Variants in CSMD1 observed in about 807,000 individuals in gnomAD.
The protein encoded by CSMD1 is CUB and Sushi multiple domains 1, also known as CUB and sushi domain-containing protein 1.
Under a neutral mutation model 417.5 loss-of-function variants are expected in CSMD1, and 213 were observed. The ratio of observed to expected loss-of-function variants is 0.51; its 90% CI spans 0.46 to 0.57. The LOEUF is 0.57. Among genes scored for constraint, CSMD1 ranks in the 20% least tolerant of loss-of-function variants. The pLI, the probability that CSMD1 is intolerant of heterozygous loss-of-function variation, is 0.00. For missense variants in CSMD1, 6,923 were observed against 4,529.7 expected (o/e 1.53, Z -15.17); for synonymous variants, 2,862 against 1,736.8 (o/e 1.65, Z -16.11).
chr8:4,386,012 C>T (rs890343309), intron 3 of CSMD1, among the ~76,000 whole-genome samples: 1 of 152,020 alleles, frequency 6.6e-6, no homozygotes, highest in Non-Finnish European at 1.5e-5. Flanking sequence ...TTAACTTTCC[C>T]TTTTTTTATC....
At chr8:3,784,293 T>C (rs1799330585) in intron 5 of CSMD1, among the ~76,000 whole-genome samples, 1 of 152,156 alleles carries the variant, frequency 6.6e-6, no homozygotes, top group Admixed American at 6.5e-5. Context: ...CTCAGATAAA[T>C]AATATTAAAT....
chr8:3,557,977 G>C (rs1239926754), intron 10 of CSMD1, among the ~76,000 whole-genome samples: 3 of 152,136 alleles, frequency 2.0e-5, no homozygotes, highest in African/African-American at 7.2e-5. Context: ...CTCCAATGAT[G>C]AATGGTGCCT....
chr8:3,798,566 G>A (rs1800289338), intron 5 of CSMD1, among the ~76,000 whole-genome samples: 1 of 152,012 alleles, frequency 6.6e-6, no homozygotes, highest in African/African-American at 2.4e-5. Flanking sequence ...GTTTTGAGAG[G>A]TGATTGCAAT....
intron 7 of CSMD1, among the ~76,000 whole-genome samples, chr8:3,624,144 A>T (rs558601388): frequency 5.8e-4 from 89 of 152,202 alleles, no homozygotes; most frequent in Admixed American, 1.2e-3. Context: ...AATTAATAAT[A>T]AAAATACACT....
At chr8:4,386,590 G>A (rs1803471123) in intron 3 of CSMD1, among the ~76,000 whole-genome samples, 1 of 152,190 alleles carries the variant, frequency 6.6e-6, no homozygotes, top group Admixed American at 6.5e-5. Context: ...GCCTGTTACG[G>A]CAGGGCATGC....
chr8:3,243,387 C>T (rs926639721), intron 26 of CSMD1, among the ~76,000 whole-genome samples: 5 of 151,594 alleles, frequency 3.3e-5, no homozygotes, highest in African/African-American at 1.2e-4. Flanking sequence ...GTTTATTTCA[C>T]CTGGGTGCAG....
rs185387368 is a variant in CSMD1 at position 3,429,116 on chromosome 8, T to C, written c.1562-19511A>G. Reference sequence around the variant, plus strand: ...AGAAGTAAGAAGTTCTTGTGTGCTATTGTACAGAAGGGTGATTACACTTAA... The same window carrying C: ...AGAAGTAAGAAGTTCTTGTGTGCTACTGTACAGAAGGGTGATTACACTTAA... On this transcript the variant is annotated intron_variant, in intron 12 of 69. Coordinates refer to ENST00000635120, the MANE Select transcript of CSMD1 (RefSeq NM_033225.6). 5.1e-4 allele frequency among the ~76,000 whole-genome samples: 78 copies of C among 152,256 alleles called. 1 individual carries two copies. In the East Asian group the frequency reaches 8.1e-3, roughly 16 times the overall value.
intron 26 of CSMD1, among the ~76,000 whole-genome samples, chr8:3,277,106 C>G (rs1010400216): frequency 9.9e-5 from 15 of 152,164 alleles, no homozygotes; most frequent in African/African-American, 3.4e-4. Context: ...CACATCCAAG[C>G]TGAGAGAGGC....
At chr8:3,735,500 G>A (rs17067230) in intron 6 of CSMD1, among the ~76,000 whole-genome samples, 1,610 of 152,292 alleles carry the variant, frequency 0.011, 33 homozygotes, top group African/African-American at 0.037. Flanking sequence ...GTTTCCCTGT[G>A]TATTAGCTAC....
intron 51 of CSMD1, among the ~76,000 whole-genome samples, chr8:3,025,303 G>A (rs949841660): frequency 6.6e-6 from 1 of 151,386 alleles, no homozygotes; most frequent in Non-Finnish European, 1.5e-5. Flanking sequence ...ACTGTGTATT[G>A]TCTGGTGTTA....
intron 33 of CSMD1, among the ~76,000 whole-genome samples, chr8:3,193,631 C>T (rs1173887443): frequency 6.6e-6 from 1 of 151,968 alleles, no homozygotes; most frequent in Non-Finnish European, 1.5e-5. Context: ...TGCTGTGAAG[C>T]CAAATTGAAA....
intron 1 of CSMD1, among the ~76,000 whole-genome samples, chr8:4,646,104 C>T (rs760341195): frequency 1.3e-5 from 2 of 152,208 alleles, no homozygotes; most frequent in African/African-American, 2.4e-5. Flanking sequence ...TCAGAGACTT[C>T]GAGCTTATAT....
At chr8:3,378,641 C>G (rs1019886982) in intron 18 of CSMD1, among the ~76,000 whole-genome samples, 1 of 152,134 alleles carries the variant, frequency 6.6e-6, no homozygotes, top group Non-Finnish European at 1.5e-5. Flanking sequence ...GAACCAATGA[C>G]AAAAACCACA....
chr8:3,502,735 G>A (rs1796658915), intron 10 of CSMD1, among the ~76,000 whole-genome samples: 2 of 152,338 alleles, frequency 1.3e-5, no homozygotes, highest in Admixed American at 6.5e-5. Flanking sequence ...CAGGAGCACA[G>A]AGGATTTTTA....
chr8:3,732,215 T>C (rs1346387607), intron 6 of CSMD1, among the ~76,000 whole-genome samples: 3 of 152,178 alleles, frequency 2.0e-5, no homozygotes, highest in Non-Finnish European at 2.9e-5. Flanking sequence ...ACTCTATCAA[T>C]TTAGCAGTTT....
At chr8:3,894,114 C>T (rs1484298630) in intron 5 of CSMD1, among the ~76,000 whole-genome samples, 3 of 152,198 alleles carry the variant, frequency 2.0e-5, no homozygotes, top group Non-Finnish European at 2.9e-5. Context: ...GTCTATTCTG[C>T]ACCTCACTTA....
intron 7 of CSMD1, among the ~76,000 whole-genome samples, chr8:3,696,950 T>A (rs1195698315): frequency 1.3e-5 from 2 of 152,168 alleles, no homozygotes; most frequent in East Asian, 3.9e-4. Flanking sequence ...ATGGGCCACG[T>A]GGACTATAGA....
chr8:4,405,951 C>A (rs1366170135), intron 3 of CSMD1, among the ~76,000 whole-genome samples: 2 of 152,146 alleles, frequency 1.3e-5, no homozygotes, highest in Non-Finnish European at 1.5e-5. Flanking sequence ...CTGAGTAATG[C>A]CTTCTGTTCT....
chr8:4,893,790 C>G (rs76546935), intron 1 of CSMD1, among the ~76,000 whole-genome samples: 386 of 152,216 alleles, frequency 2.5e-3, no homozygotes, highest in African/African-American at 9.1e-3. Context: ...TCACATTGTT[C>G]AGATTCCAAT....
Sources: gnomAD v4.1 joint callset for allele counts (sites outside exome capture counted in the v4.1 genomes callset) on GRCh38, gnomAD v4.1.1 for gene constraint, MANE v1.5 for transcripts, NCBI Gene and HGNC (gene_info 2026-07-23, HGNC 2026-07-21) for gene names.